Variants in SEMA3A observed in about 807,000 individuals in gnomAD.
The protein encoded by SEMA3A is semaphorin-3A.
A neutral mutation model predicts 97.9 loss-of-function variants in SEMA3A; 29 were observed. The ratio of observed to expected loss-of-function variants is 0.30; its 90% confidence interval spans 0.22 to 0.40. The LOEUF (loss-of-function observed/expected upper bound fraction) is 0.40, where lower values mean the gene tolerates loss of function less well. SEMA3A is among the 10% of genes least tolerant of loss of function. SEMA3A has a pLI of 1.00. For missense variants in SEMA3A, 763 were observed against 951.3 expected, an observed-to-expected ratio of 0.80 and a Z score of 2.60; for synonymous variants, 321 against 323.7, an observed-to-expected ratio of 0.99 and a Z score of 0.09.
At chr7:84,224,275 G>A (rs1798941394) in intron 3 of SEMA3A, among the ~76,000 whole-genome samples, 1 of 151,800 alleles carries the variant, frequency 6.6e-6, no homozygotes, top group Non-Finnish European at 1.5e-5. Context: ...TTTATCTGAA[G>A]GTCTAACTCA....
intron 1 of SEMA3A, among the ~76,000 whole-genome samples, chr7:84,376,529 G>C (rs971723423): frequency 7.2e-6 from 1 of 138,280 alleles, no homozygotes; most frequent in South Asian, 2.4e-4. Context: ...GCGTGAACCC[G>C]GGAGGCGGAG....
intron 12 of SEMA3A, among the ~76,000 whole-genome samples, chr7:83,989,066 T>G (rs1031328764): frequency 6.6e-6 from 1 of 152,146 alleles, no homozygotes; most frequent in South Asian, 2.1e-4. Context: ...CCACAGATAC[T>G]TCTTTCATTC....
chr7:84,376,378 G>A lies in SEMA3A; in HGVS notation c.-245-4478C>T, dbSNP rs1355956062. ...AGCACTTTGGGAGGCCAAGGCGGGCGGATCACGAGGTCAGGAGATCGAGAC... is the reference window on the plus strand; with the variant it reads ...AGCACTTTGGGAGGCCAAGGCGGGCAGATCACGAGGTCAGGAGATCGAGAC... On this transcript the variant is annotated intron_variant, in intron 1 of 3. Coordinates refer to the SEMA3A transcript ENST00000424555. Among the ~76,000 whole-genome samples the A allele has an allele frequency of 5.4e-5, 8 of 146,942 alleles. 1 individual carries two copies. Among genetic ancestry groups the A allele is most frequent in the Admixed American group, 2.8e-4 (4 of 14,464 alleles).
At chr7:84,404,452 C>A (rs1308475171) in intron 1 of SEMA3A, among the ~76,000 whole-genome samples, 1 of 152,060 alleles carries the variant, frequency 6.6e-6, no homozygotes, top group Admixed American at 6.6e-5. Flanking sequence ...AGAATGGAAC[C>A]CAGTTGGAAA....
intron 1 of SEMA3A, among the ~76,000 whole-genome samples, chr7:84,463,874 T>A (rs924902281): frequency 6.6e-6 from 1 of 152,192 alleles, no homozygotes; most frequent in Non-Finnish European, 1.5e-5. Flanking sequence ...TTATATACTT[T>A]TTCCTCTATA....
chr7:84,086,555 A>AT (rs1227562413), intron 4 of SEMA3A, among the ~76,000 whole-genome samples: 8 of 78,348 alleles, frequency 1.0e-4, no homozygotes, highest in African/African-American at 3.0e-4. Context: ...TACATATAAT[A>AT]TATTATTATA....
chr7:84,384,938 C>T (rs1181107280), intron 1 of SEMA3A, among the ~76,000 whole-genome samples: 1 of 152,048 alleles, frequency 6.6e-6, no homozygotes, highest in African/African-American at 2.4e-5. Context: ...AGGATTAATC[C>T]AGTCCCATCT....
chr7:84,403,766 T>C (rs1290958823), intron 1 of SEMA3A, among the ~76,000 whole-genome samples: 2 of 152,152 alleles, frequency 1.3e-5, no homozygotes, highest in Admixed American at 6.5e-5. Flanking sequence ...CCACCACTGC[T>C]GATACCCAGG....
intron 3 of SEMA3A, among the ~76,000 whole-genome samples, chr7:84,239,829 G>A (rs1799318318): frequency 6.6e-6 from 1 of 152,074 alleles, no homozygotes; most frequent in Admixed American, 6.6e-5. Context: ...CTGTCACTGT[G>A]AGTCTAGTCA....
At chr7:84,209,687 T>C (rs1006290360) in intron 3 of SEMA3A, among the ~76,000 whole-genome samples, 11 of 152,220 alleles carry the variant, frequency 7.2e-5, no homozygotes, top group Non-Finnish European at 2.9e-5. Flanking sequence ...CATGTAAAAC[T>C]GTAATTTTAG....
At chr7:84,335,142 T>C (rs532880343) in intron 2 of SEMA3A, among the ~76,000 whole-genome samples, 1 of 152,242 alleles carries the variant, frequency 6.6e-6, no homozygotes, top group Admixed American at 6.5e-5. Context: ...ACTCTCTAAA[T>C]TACTAGAATT....
chr7:84,459,969 G>A (rs1805783277), intron 1 of SEMA3A, among the ~76,000 whole-genome samples: 1 of 152,166 alleles, frequency 6.6e-6, no homozygotes, highest in South Asian at 2.1e-4. Context: ...CAAGGCTGCA[G>A]TGAGCTGAGA....
chr7:84,398,783 G>A, intron 1 of SEMA3A, among the ~76,000 whole-genome samples: 1 of 151,594 alleles, frequency 6.6e-6, no homozygotes, highest in Non-Finnish European at 1.5e-5. Flanking sequence ...ACTCCAGCCT[G>A]GGCAACAGAG....
intron 1 of SEMA3A, among the ~76,000 whole-genome samples, chr7:84,462,599 A>G (rs1288712323): frequency 6.6e-6 from 1 of 152,090 alleles, no homozygotes; most frequent in Non-Finnish European, 1.5e-5. Flanking sequence ...GGCACTCTTA[A>G]TTAGTCATGT....
At chr7:84,355,786 A>G (rs567199787) in intron 2 of SEMA3A, among the ~76,000 whole-genome samples, 3 of 152,048 alleles carry the variant, frequency 2.0e-5, no homozygotes, top group East Asian at 1.9e-4. Flanking sequence ...ATTAAAAAAT[A>G]TATAAGCCTG....
At chr7:84,077,075 A>G (rs552447727) in intron 4 of SEMA3A, among the ~76,000 whole-genome samples, 30 of 152,258 alleles carry the variant, frequency 2.0e-4, no homozygotes, top group African/African-American at 7.2e-4. Context: ...CCCAAGATGT[A>G]TAACAATGAA....
chr7:84,060,157 G>A (rs1000705224), intron 5 of SEMA3A, among the ~76,000 whole-genome samples: 1 of 152,132 alleles, frequency 6.6e-6, no homozygotes, highest in Non-Finnish European at 1.5e-5. Context: ...ATGTATATTA[G>A]GATGAGCCAG....
At chr7:84,216,156 C>T (rs116412084) in intron 3 of SEMA3A, among the ~76,000 whole-genome samples, 3,638 of 152,198 alleles carry the variant, frequency 0.024, 139 homozygotes, top group African/African-American at 0.081. Flanking sequence ...GCCACCATCT[C>T]GGCTCACTGC....
At chr7:84,302,776 C>G (rs1243406282) in intron 3 of SEMA3A, among the ~76,000 whole-genome samples, 2 of 152,128 alleles carry the variant, frequency 1.3e-5, no homozygotes, top group East Asian at 3.9e-4. Context: ...ATCTTGGGAG[C>G]CAGATCTTAC....
Sources: allele counts gnomAD v4.1 joint callset (sites outside exome capture counted in the v4.1 genomes callset), GRCh38; gene constraint gnomAD v4.1.1; transcripts MANE v1.5; gene names NCBI Gene and HGNC (gene_info 2026-07-23, HGNC 2026-07-21).